Variants in PRDM16 observed in about 807,000 individuals in gnomAD.
The protein encoded by PRDM16 is histone-lysine N-methyltransferase PRDM16.
Under a neutral mutation model 110.6 loss-of-function variants are expected in PRDM16, and 23 were observed. The ratio of observed to expected loss-of-function variants is 0.21; its 90% confidence interval spans 0.15 to 0.29. PRDM16 has a LOEUF of 0.29. Among genes scored for constraint, PRDM16 ranks in the 10% least tolerant of loss-of-function variants. The probability of loss-of-function intolerance (pLI) is 1.00; values close to 1 mark genes in which losing one functional copy is unlikely to be tolerated. For missense variants in PRDM16, 1,615 were observed against 1,794.3 expected, an observed-to-expected ratio of 0.90 and a Z score of 1.81; for synonymous variants, 799 against 781.8, an observed-to-expected ratio of 1.02 and a Z score of -0.37.
At chr1:3,098,509 C>T (rs1642458898) in intron 1 of PRDM16, among the ~76,000 whole-genome samples, 1 of 152,204 alleles carries the variant, frequency 6.6e-6, no homozygotes, top group Admixed American at 6.5e-5. Flanking sequence ...AGAGGGACAT[C>T]CCTGCAGCCA....
chr1:3,400,571 G>A (rs12743248), intron 5 of PRDM16, among the ~76,000 whole-genome samples: 45,636 of 152,100 alleles, frequency 0.3, 7,328 homozygotes, highest in Non-Finnish European at 0.35. Context: ...GGAAAGCTCC[G>A]AATGGCAGCC....
intron 3 of PRDM16, among the ~76,000 whole-genome samples, chr1:3,320,771 G>C (rs1641721998): frequency 6.6e-6 from 1 of 152,246 alleles, no homozygotes; most frequent in Non-Finnish European, 1.5e-5. Flanking sequence ...CAGAGGCCCT[G>C]CTCACACAGC....
chr1:3,279,441 C>T (rs745386249), intron 3 of PRDM16, among the ~76,000 whole-genome samples: 159 of 152,362 alleles, frequency 1.0e-3, no homozygotes, highest in Non-Finnish European at 2.0e-3. Context: ...GCCACACTGG[C>T]CGCAGAGCTG....
At chr1:3,248,734 C>CA (rs1553152627) in intron 3 of PRDM16, among the ~76,000 whole-genome samples, 1 of 152,218 alleles carries the variant, frequency 6.6e-6, no homozygotes, top group Non-Finnish European at 1.5e-5. Context: ...TTGCATTGTC[C>CA]AAACAGGGTG....
intron 3 of PRDM16, among the ~76,000 whole-genome samples, chr1:3,258,814 G>A (rs762368436): frequency 2.0e-5 from 3 of 152,214 alleles, no homozygotes; most frequent in Non-Finnish European, 4.4e-5. Flanking sequence ...GGCTTCTGCC[G>A]GGGAACAGGC....
intron 1 of PRDM16, among the ~76,000 whole-genome samples, chr1:3,122,836 G>C (rs1017022494): frequency 6.6e-6 from 1 of 152,132 alleles, no homozygotes; most frequent in Non-Finnish European, 1.5e-5. Flanking sequence ...CTTCCTGTAG[G>C]GCTCTAGGGA....
Position 3,404,826 on chromosome 1 carries a change from C to T in PRDM16, c.972C>T (p.Leu324=). 1 of 1,613,612 alleles carries T rather than the reference C, an allele frequency of 6.2e-7. No homozygotes were observed. The highest frequency in any genetic ancestry group is 8.5e-7 in the Non-Finnish European group (1 of 1,179,996). ...CPKAFNWKSN[L]IRHQMSHDSG... ...AGGCCTTCAACTGGAAGTCCAACCTCATCCGCCACCAGATGTCCCACGACA... is the reference window on the plus strand; with the variant it reads ...AGGCCTTCAACTGGAAGTCCAACCTTATCCGCCACCAGATGTCCCACGACA... Residue 324 remains leucine (L), a synonymous_variant, in exon 7 of 17, where the codon CTC becomes CTT. Transcript: ENST00000270722.
At chr1:3,111,056 T>C (rs1642780145) in intron 1 of PRDM16, among the ~76,000 whole-genome samples, 1 of 152,110 alleles carries the variant, frequency 6.6e-6, no homozygotes, top group Non-Finnish European at 1.5e-5. Context: ...GCCCCACACC[T>C]GCCGAGTGTG....
At chr1:3,107,721 G>A (rs190337581) in intron 1 of PRDM16, among the ~76,000 whole-genome samples, 59 of 152,294 alleles carry the variant, frequency 3.9e-4, no homozygotes, top group African/African-American at 1.3e-3. Flanking sequence ...ACCTTTCCTT[G>A]TAAGAGACAC....
chr1:3,326,529 G>T (rs1417235997), intron 3 of PRDM16, among the ~76,000 whole-genome samples: 2 of 152,124 alleles, frequency 1.3e-5, no homozygotes, highest in Admixed American at 6.5e-5. Context: ...ATCCGACCTG[G>T]CCTGGAGGTC....
At chr1:3,166,252 G>A (rs376077937) in intron 1 of PRDM16, among the ~76,000 whole-genome samples, 22 of 152,254 alleles carry the variant, frequency 1.4e-4, no homozygotes, top group African/African-American at 5.1e-4. Context: ...AACAGCTCCC[G>A]AAGAGCTTTG....
intron 3 of PRDM16, among the ~76,000 whole-genome samples, chr1:3,269,829 A>C (rs1373116025): frequency 2.3e-4 from 22 of 94,742 alleles, no homozygotes; most frequent in Non-Finnish European, 3.9e-4. Flanking sequence ...AGGGAGGAGG[A>C]CAGTCCCAGA....
chr1:3,097,121 C>T (rs1046267924), intron 1 of PRDM16, among the ~76,000 whole-genome samples: 1 of 152,052 alleles, frequency 6.6e-6, no homozygotes, highest in Admixed American at 6.6e-5. Flanking sequence ...AGAGCGGTGC[C>T]GAGAAGTTGC....
chr1:3,095,532 G>C (rs548672941), intron 1 of PRDM16, among the ~76,000 whole-genome samples: 42 of 152,248 alleles, frequency 2.8e-4, no homozygotes, highest in African/African-American at 9.9e-4. Flanking sequence ...GGTGCCTCAT[G>C]GGGGGCCGGG....
intron 3 of PRDM16, among the ~76,000 whole-genome samples, chr1:3,345,717 C>T (rs917719619): frequency 2.0e-5 from 3 of 151,386 alleles, no homozygotes; most frequent in South Asian, 2.1e-4. Flanking sequence ...GCTGCCCTCT[C>T]GGGTCCTCCC....
rs1640945920 is a variant in PRDM16 at position 3,290,370 on chromosome 1, C to T, written c.438+46233C>T. 6.6e-6 allele frequency among the ~76,000 whole-genome samples: 1 copy of T among 152,150 alleles called. No homozygotes were observed. The highest frequency in any genetic ancestry group is 1.9e-4 in the East Asian group (1 of 5,184). On this transcript the variant is annotated intron_variant, in intron 3 of 16. Transcript: ENST00000270722. The surrounding 1 kb of genome is among the most constrained non-coding windows in gnomAD (Gnocchi z 4.8). ...AGAGGAGAGCCTCTCAGTATCCCCACCTTATAGATGAGGAGGCACAGAGAG... is the reference window on the plus strand; with the variant it reads ...AGAGGAGAGCCTCTCAGTATCCCCATCTTATAGATGAGGAGGCACAGAGAG...
intron 4 of PRDM16, among the ~76,000 whole-genome samples, chr1:3,395,233 G>T (rs987569529): frequency 6.6e-6 from 1 of 152,186 alleles, no homozygotes; most frequent in African/African-American, 2.4e-5. Flanking sequence ...TGTCTCGGGG[G>T]TGCCCAGCTG....
At chr1:3,249,140 G>A (rs924951986) in intron 3 of PRDM16, among the ~76,000 whole-genome samples, 2 of 152,034 alleles carry the variant, frequency 1.3e-5, no homozygotes, top group Non-Finnish European at 2.9e-5. Flanking sequence ...ACTGCTGTTC[G>A]GTGTCCAGTC....
chr1:3,185,758 G>C (rs1393823814), intron 1 of PRDM16, among the ~76,000 whole-genome samples: 1 of 152,234 alleles, frequency 6.6e-6, no homozygotes, highest in Non-Finnish European at 1.5e-5. Context: ...CTGTCCCCAG[G>C]CTTGCAAGGC....
Sources: gnomAD v4.1 joint callset for allele counts (sites outside exome capture counted in the v4.1 genomes callset) on GRCh38, gnomAD v4.1.1 for gene constraint, Gnocchi (gnomAD v3.1) non-coding constraint, MANE v1.5 for transcripts, NCBI Gene and HGNC (gene_info 2026-07-23, HGNC 2026-07-21) for gene names.